BACH2: variants seen among roughly 807,000 people sequenced by gnomAD.
BACH2 encodes the protein BACH transcriptional regulator 2.
Under a neutral mutation model 61.8 loss-of-function variants are expected in BACH2, and 5 were observed. The observed-to-expected ratio is 0.08, with a 90% confidence interval of 0.04 to 0.17. The LOEUF is 0.17. Ranked by LOEUF, BACH2 falls within the 10% of genes least tolerant of loss-of-function variation. BACH2 has a pLI of 1.00. For missense variants in BACH2, 824 were observed against 1,091.1 expected (o/e 0.76, Z 3.45); for synonymous variants, 446 against 440.1 (o/e 1.01, Z -0.17).
chr6:90,142,084 A>G (rs942378610), intron 4 of BACH2, among the ~76,000 whole-genome samples: 1 of 152,200 alleles, frequency 6.6e-6, no homozygotes, highest in African/African-American at 2.4e-5. Flanking sequence ...CTGTCTCAAA[A>G]AAAATTTTTT....
chr6:89,993,946 G>A (rs183503442), intron 6 of BACH2, among the ~76,000 whole-genome samples: 175 of 151,820 alleles, frequency 1.2e-3, no homozygotes, highest in Non-Finnish European at 1.9e-3. Flanking sequence ...TCATTCATCT[G>A]ATTAATATGA....
chr6:90,186,280 C>T (rs577914719), intron 4 of BACH2, among the ~76,000 whole-genome samples: 1 of 152,284 alleles, frequency 6.6e-6, no homozygotes, highest in South Asian at 2.1e-4. Context: ...CAAAACAGCC[C>T]TAAGTCAAAC....
intron 2 of BACH2, among the ~76,000 whole-genome samples, chr6:90,266,013 G>A (rs1050029649): frequency 4.6e-5 from 7 of 152,162 alleles, no homozygotes; most frequent in Non-Finnish European, 8.8e-5. Context: ...AGGCTGCAGA[G>A]ATGGGAAATG....
intron 4 of BACH2, among the ~76,000 whole-genome samples, chr6:90,123,630 C>T (rs892559285): frequency 2.0e-5 from 3 of 151,136 alleles, no homozygotes; most frequent in South Asian, 2.1e-4. Context: ...ATTAGCCGGG[C>T]GTAGTGGCGG....
intron 3 of BACH2, among the ~76,000 whole-genome samples, chr6:90,215,106 G>A (rs1769487900): frequency 6.6e-6 from 1 of 152,024 alleles, no homozygotes; most frequent in Non-Finnish European, 1.5e-5. Context: ...TTCTTTTTGA[G>A]GGAGTACCAT....
At chr6:89,937,795 T>C (rs976820212) in intron 8 of BACH2, among the ~76,000 whole-genome samples, 2 of 152,204 alleles carry the variant, frequency 1.3e-5, no homozygotes, top group South Asian at 2.1e-4. Context: ...CCTTTCAAAG[T>C]GCTAGGATTA....
intron 3 of BACH2, among the ~76,000 whole-genome samples, chr6:90,222,963 A>G (rs567889667): frequency 6.6e-6 from 1 of 152,296 alleles, no homozygotes; most frequent in South Asian, 2.1e-4. Flanking sequence ...GCTCTCTTTA[A>G]AACAGCCAAT....
At chr6:90,264,567 T>A (rs917871754) in intron 2 of BACH2, among the ~76,000 whole-genome samples, 18 of 152,198 alleles carry the variant, frequency 1.2e-4, no homozygotes, top group Admixed American at 9.8e-4. Context: ...TTCTTGAGCA[T>A]CACATATCCA....
In BACH2 at chr6:89,938,384, A is replaced by C. The variant is rs756735170; in HGVS notation, c.1837-34T>G. The C allele has an allele frequency of 2.6e-6, 4 of 1,568,452 alleles. No homozygotes were observed. In the South Asian group the frequency reaches 4.5e-5, roughly 18 times the overall value. ...AAGAATAACAGAAAATGATTATGGC[A>C]GCTGGATTTTAATTCTGGCAGGCGG... On this transcript the variant is annotated intron_variant, in intron 7 of 8. Coordinates refer to ENST00000257749, the MANE Select transcript of BACH2 (RefSeq NM_021813.4).
intron 5 of BACH2, among the ~76,000 whole-genome samples, chr6:90,046,475 T>C (rs1562397462): frequency 6.6e-6 from 1 of 152,190 alleles, no homozygotes; most frequent in Non-Finnish European, 1.5e-5. Context: ...CAGTTAATAT[T>C]TGTGGATCCC....
chr6:89,947,651 C>T (rs569433465), intron 7 of BACH2, among the ~76,000 whole-genome samples: 13 of 152,078 alleles, frequency 8.5e-5, no homozygotes, highest in South Asian at 2.1e-4. Context: ...CTGCAAGCTC[C>T]GCCTCCCGGG....
At chr6:90,015,169 G>C (rs2127783153) in intron 5 of BACH2, among the ~76,000 whole-genome samples, 1 of 152,190 alleles carries the variant, frequency 6.6e-6, no homozygotes, top group South Asian at 2.1e-4. Flanking sequence ...GAAAATTTGT[G>C]TCTTCTCTTT....
At chr6:90,262,823 G>A (rs1771207303) in intron 2 of BACH2, among the ~76,000 whole-genome samples, 1 of 152,174 alleles carries the variant, frequency 6.6e-6, no homozygotes, top group Non-Finnish European at 1.5e-5. Context: ...CGCATTAACT[G>A]TTAGTAAGTA....
intron 4 of BACH2, among the ~76,000 whole-genome samples, chr6:90,137,297 A>ATG (rs1405948370): frequency 6.6e-6 from 1 of 152,226 alleles, no homozygotes; most frequent in Non-Finnish European, 1.5e-5. Flanking sequence ...TGAGAGGCAT[A>ATG]CTAGTTCTTT....
intron 5 of BACH2, among the ~76,000 whole-genome samples, chr6:90,042,297 G>A (rs919890963): frequency 9.2e-5 from 14 of 152,088 alleles, no homozygotes; most frequent in African/African-American, 3.1e-4. Context: ...GGCTCAAGCA[G>A]TTCTCCCTCC....
chr6:89,982,027 G>A (rs1341124294), intron 6 of BACH2, among the ~76,000 whole-genome samples: 2 of 151,826 alleles, frequency 1.3e-5, no homozygotes, highest in African/African-American at 4.8e-5. Flanking sequence ...CTGGAGTGTA[G>A]TGGGGAGACC....
At chr6:90,142,803 G>A (rs1784504895) in intron 4 of BACH2, among the ~76,000 whole-genome samples, 1 of 152,120 alleles carries the variant, frequency 6.6e-6, no homozygotes, top group South Asian at 2.1e-4. Flanking sequence ...ATTTTCTAAA[G>A]TTTCAATGAG....
intron 6 of BACH2, among the ~76,000 whole-genome samples, chr6:89,966,760 T>G (rs1775068430): frequency 2.0e-5 from 3 of 152,226 alleles, no homozygotes; most frequent in Admixed American, 1.3e-4. Flanking sequence ...GACACCAGGG[T>G]TCCAGGCATA....
intron 4 of BACH2, among the ~76,000 whole-genome samples, chr6:90,103,668 C>T (rs879844510): frequency 6.6e-6 from 1 of 152,072 alleles, no homozygotes; most frequent in Admixed American, 6.6e-5. Flanking sequence ...AAAGTACTTC[C>T]TTGTGTAAAC....
Sources: gnomAD v4.1 joint callset for allele counts (sites outside exome capture counted in the v4.1 genomes callset) on GRCh38, gnomAD v4.1.1 for gene constraint, MANE v1.5 for transcripts, NCBI Gene and HGNC (gene_info 2026-07-23, HGNC 2026-07-21) for gene names.